Variants in LGR4 observed in about 807,000 individuals in gnomAD.
The protein encoded by LGR4 is leucine-rich repeat-containing G protein-coupled receptor 4.
In LGR4, 44 loss-of-function variants were observed where a neutral mutation model predicts 84.8. The ratio of observed to expected loss-of-function variants is 0.52; its 90% confidence interval spans 0.41 to 0.67. LGR4 has a LOEUF of 0.67. Ranked by LOEUF, LGR4 falls within the 30% of genes least tolerant of loss-of-function variation. The pLI is 0.00. For synonymous variants in LGR4, 429 were observed against 434.3 expected, an observed-to-expected ratio of 0.99 and a Z score of 0.15; for missense variants, 1,032 against 1,131.4, an observed-to-expected ratio of 0.91 and a Z score of 1.26.
intron 1 of LGR4, among the ~76,000 whole-genome samples, chr11:27,453,363 G>A (rs537505095): frequency 2.6e-4 from 40 of 152,258 alleles, no homozygotes; most frequent in Middle Eastern, 3.4e-3. Context: ...CACCACGCCC[G>A]GCCAAGAGGA....
chr11:27,404,746 G>T (rs1394803066), intron 2 of LGR4, among the ~76,000 whole-genome samples: 1 of 151,888 alleles, frequency 6.6e-6, no homozygotes, highest in Non-Finnish European at 1.5e-5. Context: ...AACACTTTTA[G>T]ATATTTATTT....
At chr11:27,408,785 A>G (rs772518065) in intron 2 of LGR4, among the ~76,000 whole-genome samples, 2 of 152,168 alleles carry the variant, frequency 1.3e-5, no homozygotes, top group Admixed American at 6.6e-5. Flanking sequence ...AATGTTTAAG[A>G]TGATTAGTAA....
At chr11:27,411,293 G>A (rs1053995474) in intron 2 of LGR4, among the ~76,000 whole-genome samples, 4 of 151,714 alleles carry the variant, frequency 2.6e-5, no homozygotes, top group South Asian at 2.1e-4. Context: ...GGGTGGAGGT[G>A]GAAACTTCAA....
chr11:27,385,814 A>G (rs962166615), intron 4 of LGR4, among the ~76,000 whole-genome samples: 3 of 38,826 alleles, frequency 7.7e-5, no homozygotes, highest in African/African-American at 2.3e-4. Flanking sequence ...TATCAGGCAT[A>G]CAAAAAAAAA....
At chr11:27,403,519 T>C (rs972226823) in intron 2 of LGR4, among the ~76,000 whole-genome samples, 3 of 152,212 alleles carry the variant, frequency 2.0e-5, no homozygotes, top group African/African-American at 7.2e-5. Context: ...AAAATGTGAA[T>C]CATCCAAATG....
At chr11:27,385,169 C>A in intron 5 of LGR4, 84 bp downstream of exon 5, 1 of 971,574 alleles carries the variant, frequency 1.0e-6, no homozygotes, top group South Asian at 1.8e-5. Context: ...CAGCGAGATG[C>A]CTTGATAATA....
In LGR4 at chr11:27,385,202, T is replaced by A. The variant is rs759516068; in HGVS notation, c.617+51A>T. 2.3e-6 allele frequency: 3 copies of A among 1,287,478 alleles called. No homozygotes were observed. The African/African-American group carries it at 4.5e-5, about 19-fold the overall frequency. 79.8% of individuals were successfully genotyped at this position (1,287,478 alleles called of 1,614,324 possible). ...ATAATCTGTCAGAAGAAATCTGTTT[T>A]TGTACCCCAATTAACACAAATATAT... On this transcript the variant is annotated intron_variant, in intron 5 of 17. Transcript: ENST00000379214.
Position 27,368,407 on chromosome 11 carries a change from G to T in LGR4, c.2316C>A (p.Ile772=). 1 of 1,614,064 alleles carries T rather than the reference G, an allele frequency of 6.2e-7. No individual in the cohort carries two copies. Among genetic ancestry groups the T allele is most frequent in the East Asian group, 2.2e-5 (1 of 44,870 alleles). Residue 772 remains isoleucine, a synonymous_variant, in exon 18 of 18, where the codon ATC becomes ATA. Transcript: ENST00000379214. ...TTTCGGGGCTGATAGAGATTGCAGTGATCAATGGTGCAAATGAAAAAAACG... is the reference window on the plus strand; with the variant it reads ...TTTCGGGGCTGATAGAGATTGCAGTTATCAATGGTGCAAATGAAAAAAACG... The part of the protein sequence containing the change: ...PVAFFSFAPL[I]TAISISPEIM...
At chr11:27,449,418 A>C (rs1377996429) in intron 1 of LGR4, among the ~76,000 whole-genome samples, 1 of 152,092 alleles carries the variant, frequency 6.6e-6, no homozygotes, top group East Asian at 1.9e-4. Context: ...CACTGTCTCT[A>C]CAAAAAATAA....
intron 1 of LGR4, among the ~76,000 whole-genome samples, chr11:27,461,298 T>C (rs533594536): frequency 6.6e-6 from 1 of 151,130 alleles, no homozygotes; most frequent in Admixed American, 6.6e-5. Flanking sequence ...AGGCCAGGAG[T>C]TCGAGACCAG....
chr11:27,413,488 C>T (rs1225714533), intron 1 of LGR4, among the ~76,000 whole-genome samples: 1 of 152,152 alleles, frequency 6.6e-6, no homozygotes, highest in Non-Finnish European at 1.5e-5. Flanking sequence ...CAACAATTCA[C>T]TAATTCAAAC....
intron 2 of LGR4, among the ~76,000 whole-genome samples, chr11:27,404,315 T>G (rs1863561229): frequency 6.6e-6 from 1 of 152,190 alleles, no homozygotes; most frequent in African/African-American, 2.4e-5. Flanking sequence ...AATCCAAATT[T>G]TGAGTCCATC....
intron 1 of LGR4, among the ~76,000 whole-genome samples, chr11:27,466,805 G>A (rs942774788): frequency 1.3e-5 from 2 of 151,678 alleles, no homozygotes; most frequent in East Asian, 3.9e-4. Context: ...TTTTTCTTGA[G>A]AGGAGTCTCG....
intron 10 of LGR4, among the ~76,000 whole-genome samples, chr11:27,379,424 C>T (rs1391914102): frequency 2.6e-5 from 4 of 152,186 alleles, no homozygotes; most frequent in Admixed American, 6.5e-5. Context: ...TCACTGTTCT[C>T]CCCATCTCTA....
chr11:27,392,075 C>T (rs1239088188), intron 3 of LGR4, among the ~76,000 whole-genome samples: 1 of 152,118 alleles, frequency 6.6e-6, no homozygotes, highest in Non-Finnish European at 1.5e-5. Flanking sequence ...ATTTGGAGCA[C>T]TTGTAAGCCT....
At chr11:27,402,753 A>T (rs1487433681) in intron 2 of LGR4, among the ~76,000 whole-genome samples, 1 of 152,160 alleles carries the variant, frequency 6.6e-6, no homozygotes, top group Non-Finnish European at 1.5e-5. Context: ...TATGCTCAAG[A>T]TGCCTTCTTA....
In LGR4 at chr11:27,368,351, G is replaced by A. The variant is rs199575399; in HGVS notation, c.2372C>T (p.Pro791Leu). Residue 791 changes from proline (P) to leucine (L), a missense_variant, in exon 18 of 18, where the codon CCA becomes CTA. Coordinates refer to ENST00000379214, the MANE Select transcript of LGR4 (RefSeq NM_018490.5). Reference sequence around the variant, plus strand: ...GACTGGATTCAGGCAAGCAGGCAATGGAAAAAATATCAGAGTAACAGACTT... The same window carrying A: ...GACTGGATTCAGGCAAGCAGGCAATAGAAAAAATATCAGAGTAACAGACTT... Reference protein sequence around the residue: ...IMKSVTLIFFPLPACLNPVLY... With the variant: ...IMKSVTLIFFLLPACLNPVLY... 2 of 1,613,858 alleles carry A rather than the reference G, an allele frequency of 1.2e-6. No individual in the cohort carries two copies. Among genetic ancestry groups the A allele is most frequent in the South Asian group, 2.2e-5 (2 of 91,070 alleles).
At chr11:27,428,754 G>GT (rs369230972) in intron 1 of LGR4, among the ~76,000 whole-genome samples, 1,591 of 151,676 alleles carry the variant, frequency 0.01, 25 homozygotes, top group African/African-American at 0.037. Flanking sequence ...TCTTTTTTTT[G>GT]TTTTTTTACG....
At chr11:27,454,804 T>G (rs34131719) in intron 1 of LGR4, among the ~76,000 whole-genome samples, 33 of 151,964 alleles carry the variant, frequency 2.2e-4, no homozygotes, top group Non-Finnish European at 4.6e-4. Flanking sequence ...TAAACATTTT[T>G]ATTCACCTCC....
Sources: gnomAD v4.1 joint callset for allele counts (sites outside exome capture counted in the v4.1 genomes callset) on GRCh38, gnomAD v4.1.1 for gene constraint, MANE v1.5 for transcripts, NCBI Gene and HGNC (gene_info 2026-07-23, HGNC 2026-07-21) for gene names.